Variants in TIMP4 observed in about 807,000 individuals in gnomAD.
TIMP4 encodes TIMP metallopeptidase inhibitor 4, also known as metalloproteinase inhibitor 4.
Under a neutral mutation model 27.3 loss-of-function variants are expected in TIMP4, and 28 were observed. The ratio of observed to expected loss-of-function variants is 1.03; its 90% CI spans 0.76 to 1.41. The LOEUF (loss-of-function observed/expected upper bound fraction) is 1.41. Ranked by LOEUF, TIMP4 falls within the 40% of genes most tolerant of loss-of-function variation. The probability of loss-of-function intolerance (pLI) is 0.00; values close to 1 mark genes in which losing one functional copy is unlikely to be tolerated. For missense variants in TIMP4, 307 were observed against 285.5 expected, an observed-to-expected ratio of 1.08 and a Z score of -0.54; for synonymous variants, 138 against 115.5, an observed-to-expected ratio of 1.20 and a Z score of -1.25.
chr3:12,158,381 A>G (rs57368176), intron 1 of TIMP4, among the ~76,000 whole-genome samples: 7,314 of 152,210 alleles, frequency 0.048, 624 homozygotes, highest in African/African-American at 0.17. Flanking sequence ...TTCTGTCCCC[A>G]GTCTAGTAGT....
chr3:12,158,179 G>T (rs1370473737), intron 1 of TIMP4, among the ~76,000 whole-genome samples: 1 of 152,166 alleles, frequency 6.6e-6, no homozygotes, highest in African/African-American at 2.4e-5. Flanking sequence ...GCAGAGAAGG[G>T]GAGAGACCTA....
At chr3:12,154,232 A>C (rs1446523207) in intron 4 of TIMP4, 95 bp downstream of exon 4, 6 of 1,553,886 alleles carry the variant, frequency 3.9e-6, no homozygotes, top group Non-Finnish European at 5.3e-6. Context: ...TGCAGATCTC[A>C]AGTATAGTCT....
At chr3:12,155,357 A>G (rs907767958) in intron 3 of TIMP4, among the ~76,000 whole-genome samples, 2 of 152,226 alleles carry the variant, frequency 1.3e-5, no homozygotes, top group Non-Finnish European at 2.9e-5. Context: ...ATTTCCATCT[A>G]TGGAAGGAGT....
At chr3:12,155,155 C>A (rs758887720) in intron 3 of TIMP4, among the ~76,000 whole-genome samples, 7 of 152,164 alleles carry the variant, frequency 4.6e-5, no homozygotes, top group Non-Finnish European at 8.8e-5. Flanking sequence ...TCTTTTAGAA[C>A]CTCAGTCGCT....
intron 4 of TIMP4, 118 bp downstream of exon 4, chr3:12,154,209 C>A: frequency 6.9e-7 from 1 of 1,450,494 alleles, no homozygotes; most frequent in Non-Finnish European, 9.4e-7. Flanking sequence ...TTCTCATCCC[C>A]AACTTCATAC....
At chr3:12,157,339 C>T (rs750754448) in intron 2 of TIMP4, 46 bp downstream of exon 2, 29 of 1,580,034 alleles carry the variant, frequency 1.8e-5, no homozygotes, top group Non-Finnish European at 2.4e-5. Context: ...ACTCCACTTT[C>T]TCCATCAGCC....
chr3:12,158,748 G>T lies in TIMP4; in HGVS notation c.93C>A (p.Ser31Arg). 6.2e-7 allele frequency: 1 copy of T among 1,608,516 alleles called. No homozygotes were observed. Residue 31 changes from serine to arginine, a missense_variant, in exon 1 of 5, where the codon AGC (serine) becomes AGA (arginine). Ser to Arg is a moderately radical substitution (Grantham distance 110). Transcript: ENST00000287814. ...LRPPGLGEAC[S>R]CAPAHPQQHI... ...GCTGCTGAGGGTGCGCCGGGGCGCA[G>T]CTGCATGCCTCACCCAGCCCCGGGG...
chr3:12,158,852 TC>T lies in TIMP4; in HGVS notation c.-13del, dbSNP rs1697548852. On this transcript the variant is annotated 5_prime_UTR_variant, in exon 1 of 5. Coordinates refer to ENST00000287814, the MANE Select transcript of TIMP4 (RefSeq NM_003256.4). ...GGGCTCCCAGGCATGACACTGCAGA[TC>T]CGCGACTGAGCCTGTGAGGTCTGGG... 6.4e-7 allele frequency: 1 copy of T among 1,560,526 alleles called. No individual in the cohort carries two copies. The highest frequency in any genetic ancestry group is 1.3e-5 in the African/African-American group (1 of 74,158).
intron 3 of TIMP4, among the ~76,000 whole-genome samples, chr3:12,155,437 G>A (rs73813138): frequency 0.079 from 12,081 of 152,234 alleles, 582 homozygotes; most frequent in African/African-American, 0.13. Context: ...GTGGGAGTCT[G>A]CCTACCAAAC....
Position 12,154,431 on chromosome 3 carries a change from T to C in TIMP4, c.373A>G (p.Lys125Glu). Residue 125 changes from lysine (K) to glutamate (E), a missense_variant, in exon 4 of 5, where the codon AAA becomes GAA. By Grantham distance (56) the Lys-to-Glu change is moderately conservative. Coordinates refer to ENST00000287814, the MANE Select transcript of TIMP4 (RefSeq NM_003256.4). The stretch of plus-strand genomic sequence containing the variant: ...TAGTTGCACAGATGGATGAAGACTT[T>C]TCCATCACTGAGGACCTGACCTTCA... ...LLTGQVLSDG[K>E]VFIHLCNYIE... is the part of the protein sequence containing the mutation. The C allele has an allele frequency of 6.2e-7, 1 of 1,614,054 alleles. No homozygotes were observed. Among genetic ancestry groups the C allele is most frequent in the Non-Finnish European group, 8.5e-7 (1 of 1,179,984 alleles).
intron 1 of TIMP4, among the ~76,000 whole-genome samples, chr3:12,158,489 G>A (rs1241887675): frequency 6.6e-6 from 1 of 152,176 alleles, no homozygotes; most frequent in Non-Finnish European, 1.5e-5. Context: ...GGAAGTCCCT[G>A]ATGAAATCTT....
chr3:12,153,695 T>C lies in TIMP4; in HGVS notation c.495A>G (p.Thr165=), dbSNP rs752721351. ...NCGCQITTCY[T]VPCTISAPNE... ...TAGGGGCCGAGATGGTACAGGGTAC[T>C]GTGTAGCAGGTGGTGATCTAGAGTC... Residue 165 remains threonine (T), a synonymous_variant, in exon 5 of 5, where the codon ACA becomes ACG. Transcript: ENST00000287814. 1 of 1,614,234 alleles carries C rather than the reference T, an allele frequency of 6.2e-7. No individual in the cohort carries two copies. Among genetic ancestry groups the C allele is most frequent in the Admixed American group, 1.7e-5 (1 of 60,026 alleles).
rs1463688753 is a variant in TIMP4, at chr3:12,158,767, C to T, written c.74G>A (p.Gly25Glu). 1.2e-6 allele frequency: 2 copies of T among 1,606,248 alleles called. No homozygotes were observed. Among genetic ancestry groups the T allele is most frequent in the Non-Finnish European group, 1.7e-6 (2 of 1,178,894 alleles). ...LRLLALLRPP[G>E]LGEACSCAPA... ...GGCGCAGCTGCATGCCTCACCCAGC[C>T]CCGGGGGCCGCAGCAACGCCAGCAG... Residue 25 changes from glycine (G) to glutamate (E), a missense_variant, in exon 1 of 5, where the codon GGG (glycine) becomes GAG (glutamate). Gly to Glu is a moderately conservative substitution (Grantham distance 98). Transcript: ENST00000287814.
At chr3:12,154,541 C>T (rs1185762959) in intron 3 of TIMP4, 90 bp from the exon 4 acceptor site, 2 of 1,492,384 alleles carry the variant, frequency 1.3e-6, no homozygotes, top group Non-Finnish European at 1.8e-6. Context: ...AGAATTGCAG[C>T]CTCCCCAATG....
chr3:12,153,481 A>C lies in TIMP4; in HGVS notation c.*34T>G. ...AAGGAGAACTGGCTTGATCTTCAGG[A>C]CTCTTGAAGGGATGTGATGGTCACT... On this transcript the variant is annotated 3_prime_UTR_variant, in exon 5 of 5. Coordinates refer to ENST00000287814, the MANE Select transcript of TIMP4 (RefSeq NM_003256.4). 1 of 1,610,190 alleles carries C rather than the reference A, an allele frequency of 6.2e-7. No homozygotes were observed. The highest frequency in any genetic ancestry group is 8.5e-7 in the Non-Finnish European group (1 of 1,178,142).
chr3:12,155,900 T>C (rs1259714233), intron 3 of TIMP4, among the ~76,000 whole-genome samples: 1 of 152,212 alleles, frequency 6.6e-6, no homozygotes, highest in Non-Finnish European at 1.5e-5. Context: ...CTCAGTGGTG[T>C]GTCCTGCCTC....
Position 12,154,381 on chromosome 3 carries a change from G to A in TIMP4, c.423C>T (p.Ser141=). ...GATTCAGACTTTCCCTCTGCACCAA[G>A]GACAGGTCCTCCCAGGGCTCGATGT... ...CNYIEPWEDL[S]LVQRESLNHH... Residue 141 remains serine (S), a synonymous_variant, in exon 4 of 5, where the codon TCC becomes TCT. Coordinates refer to ENST00000287814, the MANE Select transcript of TIMP4 (RefSeq NM_003256.4). 6.2e-7 allele frequency: 1 copy of A among 1,614,204 alleles called. No individual in the cohort carries two copies. The highest frequency in any genetic ancestry group is 8.5e-7 in the Non-Finnish European group (1 of 1,180,036).
intron 1 of TIMP4, 54 bp from the exon 2 acceptor site, chr3:12,157,536 C>G (rs1697494283): frequency 6.4e-7 from 1 of 1,552,374 alleles, no homozygotes; most frequent in African/African-American, 1.4e-5. Flanking sequence ...GGCAATACAC[C>G]TGAGGTCTGG....
intron 3 of TIMP4, among the ~76,000 whole-genome samples, chr3:12,155,966 A>G (rs1697444682): frequency 6.6e-6 from 1 of 152,172 alleles, no homozygotes. Context: ...CCTCAGAGCT[A>G]GGAAGCCCTT....
Sources: gnomAD v4.1 joint callset for allele counts (sites outside exome capture counted in the v4.1 genomes callset) on GRCh38, gnomAD v4.1.1 for gene constraint, MANE v1.5 for transcripts, NCBI Gene and HGNC (gene_info 2026-07-23, HGNC 2026-07-21) for gene names.